The following MSH3 variants were observed in gnomAD, a reference collection of about 807,000 sequenced individuals.
MSH3 encodes the protein mutS homolog 3.
Under a neutral mutation model 123.3 loss-of-function variants are expected in MSH3, and 106 were observed. The ratio of observed to expected loss-of-function variants is 0.86; its 90% CI spans 0.73 to 1.01. The LOEUF (loss-of-function observed/expected upper bound fraction) is 1.01. Ranked by LOEUF, MSH3 falls within the 50% of genes least tolerant of loss-of-function variation. The probability of loss-of-function intolerance (pLI) is 0.00; values close to 1 mark genes in which losing one functional copy is unlikely to be tolerated. For missense variants in MSH3, 1,459 were observed against 1,347.6 expected, an observed-to-expected ratio of 1.08 and a Z score of -1.29; for synonymous variants, 515 against 481.4, an observed-to-expected ratio of 1.07 and a Z score of -0.91.
At chr5:80,724,468 A>G (rs1328901875) in intron 8 of MSH3, among the ~76,000 whole-genome samples, 4 of 152,206 alleles carry the variant, frequency 2.6e-5, no homozygotes, top group African/African-American at 4.8e-5. Context: ...GGCTGTTAAC[A>G]TGAGAGATAA....
chr5:80,749,532 A>G (rs887295913), intron 12 of MSH3, among the ~76,000 whole-genome samples: 13 of 152,184 alleles, frequency 8.5e-5, no homozygotes, highest in African/African-American at 2.4e-4. Flanking sequence ...TCCTTTGGCA[A>G]TACCCTCACA....
chr5:80,732,065 A>G (rs560747506), intron 10 of MSH3, among the ~76,000 whole-genome samples: 9 of 152,330 alleles, frequency 5.9e-5, no homozygotes, highest in African/African-American at 1.9e-4. Context: ...CTTAAGGATG[A>G]TTTAAGTGAA....
intron 8 of MSH3, among the ~76,000 whole-genome samples, chr5:80,700,760 A>G (rs976698535): frequency 2.0e-5 from 3 of 152,220 alleles, no homozygotes; most frequent in African/African-American, 4.8e-5. Flanking sequence ...CTCCTCAGGA[A>G]TATATCTCCT....
chr5:80,873,281 C>A lies in MSH3; in HGVS notation c.3296C>A (p.Thr1099Lys), dbSNP rs545543643. The stretch of plus-strand genomic sequence containing the variant: ...AAAGAGCTGGAAGGATTAATAAATA[C>A]GAAAAGGTCAGAGTGATTATGCTGC... ...KSKELEGLINTKRKRLKYFAK... is the reference protein window; with the variant it reads ...KSKELEGLINKKRKRLKYFAK... Residue 1099 changes from threonine to lysine, a missense_variant, in exon 23 of 24, where the codon ACG becomes AAG. Coordinates refer to ENST00000265081, the MANE Select transcript of MSH3 (RefSeq NM_002439.5). 6 of 1,613,738 alleles carry A rather than the reference C, an allele frequency of 3.7e-6. No homozygotes were observed. Among genetic ancestry groups the A allele is most frequent in the Non-Finnish European group, 5.1e-6 (6 of 1,179,840 alleles).
chr5:80,866,998 C>T (rs1746111791), intron 22 of MSH3, among the ~76,000 whole-genome samples: 1 of 152,136 alleles, frequency 6.6e-6, no homozygotes, highest in Non-Finnish European at 1.5e-5. Flanking sequence ...TCCACTGGGG[C>T]CCTTCCTCCT....
At chr5:80,778,304 T>C (rs1580044905) in intron 16 of MSH3, among the ~76,000 whole-genome samples, 1 of 152,258 alleles carries the variant, frequency 6.6e-6, no homozygotes, top group Non-Finnish European at 1.5e-5. Context: ...ACTGAAATAC[T>C]TCAATCATAC....
chr5:80,723,297 G>A (rs1199074516), intron 8 of MSH3, among the ~76,000 whole-genome samples: 2 of 151,988 alleles, frequency 1.3e-5, no homozygotes, highest in East Asian at 1.9e-4. Flanking sequence ...GACTGTGGTC[G>A]TGATACAGAG....
chr5:80,699,209 G>T (rs1211439282), intron 8 of MSH3, among the ~76,000 whole-genome samples: 10 of 152,084 alleles, frequency 6.6e-5, no homozygotes, highest in Non-Finnish European at 1.3e-4. Context: ...GAGAATAATG[G>T]GTATCTCCTA....
chr5:80,705,388 C>T (rs976620815), intron 8 of MSH3, among the ~76,000 whole-genome samples: 1 of 152,156 alleles, frequency 6.6e-6, no homozygotes, highest in Non-Finnish European at 1.5e-5. Context: ...TGTTATAGTT[C>T]CAGGACTTTG....
At chr5:80,761,727 G>A (rs868676124) in intron 13 of MSH3, 49 bp downstream of exon 13, 1 of 1,606,224 alleles carries the variant, frequency 6.2e-7, no homozygotes, top group Middle Eastern at 1.7e-4. Flanking sequence ...TTCAGCTTGA[G>A]GACACTATAT....
intron 20 of MSH3, among the ~76,000 whole-genome samples, chr5:80,821,021 C>G (rs1745195729): frequency 1.3e-5 from 2 of 152,214 alleles, no homozygotes; most frequent in African/African-American, 2.4e-5. Context: ...GCTTCTCTCT[C>G]TGCAAGATGG....
At chr5:80,807,794 G>A (rs536979910) in intron 19 of MSH3, among the ~76,000 whole-genome samples, 2 of 152,316 alleles carry the variant, frequency 1.3e-5, no homozygotes, top group Admixed American at 1.3e-4. Flanking sequence ...CCATCACAGG[G>A]CACACTAACA....
At chr5:80,656,374 A>G (rs776154513) in intron 1 of MSH3, 37 bp from the exon 2 acceptor site, 5 of 1,612,986 alleles carry the variant, frequency 3.1e-6, no homozygotes, top group East Asian at 2.2e-5. Flanking sequence ...TTCTCAGAGT[A>G]GAGATAACAC....
chr5:80,839,008 G>A (rs985052520), intron 20 of MSH3, among the ~76,000 whole-genome samples: 1 of 152,180 alleles, frequency 6.6e-6, no homozygotes, highest in Non-Finnish European at 1.5e-5. Context: ...AACTTCTAGT[G>A]ACAGTACTCA....
chr5:80,781,832 G>A (rs1182753147), intron 17 of MSH3, among the ~76,000 whole-genome samples: 1 of 152,092 alleles, frequency 6.6e-6, no homozygotes, highest in Non-Finnish European at 1.5e-5. Flanking sequence ...TTGGCCTTCT[G>A]ACTGGGCCTT....
intron 18 of MSH3, 128 bp downstream of exon 18, chr5:80,787,800 T>C (rs1252053924): frequency 5.6e-6 from 4 of 712,274 alleles, no homozygotes; most frequent in Non-Finnish European, 1.0e-5. Flanking sequence ...GAAAGCTGAA[T>C]GTCATACATA....
intron 21 of MSH3, among the ~76,000 whole-genome samples, chr5:80,862,970 A>G (rs184491964): frequency 2.0e-5 from 3 of 152,324 alleles, no homozygotes; most frequent in Admixed American, 2.0e-4. Flanking sequence ...TGGATGAAAG[A>G]TTGTTGGAGA....
At chr5:80,843,584 C>G (rs1745665771) in intron 20 of MSH3, among the ~76,000 whole-genome samples, 3 of 152,178 alleles carry the variant, frequency 2.0e-5, no homozygotes, top group African/African-American at 7.2e-5. Context: ...ATTTCAGAAC[C>G]TGTTACTGGT....
intron 8 of MSH3, among the ~76,000 whole-genome samples, chr5:80,723,412 G>A (rs1403193296): frequency 1.3e-5 from 2 of 152,152 alleles, no homozygotes; most frequent in Non-Finnish European, 2.9e-5. Context: ...CGTATGGAAT[G>A]CTAATTGCTG....
Sources: allele counts gnomAD v4.1 joint callset (sites outside exome capture counted in the v4.1 genomes callset), GRCh38; gene constraint gnomAD v4.1.1; transcripts MANE v1.5; gene names NCBI Gene and HGNC (gene_info 2026-07-23, HGNC 2026-07-21).